The following CWH43 variants were observed in gnomAD, a reference collection of about 807,000 sequenced individuals.
CWH43 encodes cell wall biogenesis 43 C-terminal homolog.
CWH43 carries 91 observed loss-of-function variants against 85.7 expected under a neutral mutation model. That is an observed-to-expected ratio of 1.06 (90% confidence interval 0.90 to 1.26). The LOEUF is 1.26. CWH43 is among the 50% of genes most tolerant of loss of function. The probability of loss-of-function intolerance (pLI) is 0.00; values close to 1 mark genes in which losing one functional copy is unlikely to be tolerated. For synonymous variants in CWH43, 323 were observed against 293.6 expected, an observed-to-expected ratio of 1.10 and a Z score of -1.02; for missense variants, 869 against 839.2, an observed-to-expected ratio of 1.04 and a Z score of -0.44.
intron 7 of CWH43, 128 bp downstream of exon 7, chr4:49,004,120 A>G: frequency 1.2e-6 from 1 of 814,264 alleles, no homozygotes; most frequent in Non-Finnish European, 1.8e-6. Context: ...GGTAAAATAG[A>G]CTCTCTTGAT....
intron 1 of CWH43, among the ~76,000 whole-genome samples, chr4:48,987,159 C>T (rs1437619705): frequency 6.6e-6 from 1 of 152,108 alleles, no homozygotes; most frequent in East Asian, 1.9e-4. Context: ...TCCCTCTGGT[C>T]TGGGTGGGGC....
chr4:49,050,928 C>T, intron 15 of CWH43, 79 bp downstream of exon 15: 1 of 996,368 alleles, frequency 1.0e-6, no homozygotes. Flanking sequence ...TCAAAATGAG[C>T]TAGAAATTAT....
chr4:49,038,532 C>T (rs1311394774), intron 13 of CWH43, among the ~76,000 whole-genome samples: 2 of 152,188 alleles, frequency 1.3e-5, no homozygotes, highest in Non-Finnish European at 2.9e-5. Flanking sequence ...GGCTTCCTCC[C>T]TGCATGGTGC....
intron 8 of CWH43, among the ~76,000 whole-genome samples, chr4:49,010,607 G>A (rs925335415): frequency 6.6e-6 from 1 of 152,064 alleles, no homozygotes. Context: ...TCTGTTTTGG[G>A]CATTTAGTTC....
chr4:49,010,743 C>A (rs1340801801), intron 8 of CWH43, among the ~76,000 whole-genome samples: 1 of 152,198 alleles, frequency 6.6e-6, no homozygotes. Context: ...ACCCAGTAGT[C>A]ATTCAGGAGC....
At chr4:48,996,949 C>G (rs1301909226) in intron 5 of CWH43, among the ~76,000 whole-genome samples, 1 of 152,184 alleles carries the variant, frequency 6.6e-6, no homozygotes, top group African/African-American at 2.4e-5. Flanking sequence ...TTAATGGTTA[C>G]TCTGAGAAAA....
At position 48,991,985 on chromosome 4, in the gene CWH43, C is replaced by T; in HGVS notation, c.406C>T (p.Leu136=). Residue 136 remains leucine, a synonymous_variant, in exon 4 of 16, where the codon CTA becomes TTA. Coordinates refer to ENST00000226432, the MANE Select transcript of CWH43 (RefSeq NM_025087.3). ...FILGQIVLVV[L]RIWYTSLNPI... is the part of the protein sequence containing the mutation. ...TTTAGGACAGATTGTTCTTGTTGTT[C>T]TACGCATATGGTATACTTCACTAAA... 6.2e-7 allele frequency: 1 copy of T among 1,613,868 alleles called. No individual in the cohort carries two copies. The highest frequency in any genetic ancestry group is 8.5e-7 in the Non-Finnish European group (1 of 1,179,838).
chr4:49,000,974 C>T (rs1482990291), intron 6 of CWH43, among the ~76,000 whole-genome samples: 1 of 152,210 alleles, frequency 6.6e-6, no homozygotes, highest in South Asian at 2.1e-4. Context: ...GCTTAATTAT[C>T]TGGAGGTGGT....
intron 8 of CWH43, among the ~76,000 whole-genome samples, chr4:49,015,916 C>G (rs999789554): frequency 1.3e-5 from 2 of 151,970 alleles, no homozygotes; most frequent in African/African-American, 4.8e-5. Flanking sequence ...CTTTTGAATA[C>G]CCTCTTTTAT....
chr4:49,055,780 G>A (rs1391841933), intron 15 of CWH43, among the ~76,000 whole-genome samples: 4 of 152,042 alleles, frequency 2.6e-5, no homozygotes, highest in Non-Finnish European at 4.4e-5. Flanking sequence ...GGTAGAGATA[G>A]GGTTTCGCCA....
intron 9 of CWH43, among the ~76,000 whole-genome samples, chr4:49,024,974 T>G (rs1217975858): frequency 1.3e-5 from 2 of 152,038 alleles, no homozygotes; most frequent in Non-Finnish European, 2.9e-5. Context: ...TTCTTCTTCC[T>G]TGGGAATACT....
chr4:49,035,132 G>C (rs1478463104), intron 12 of CWH43, among the ~76,000 whole-genome samples: 1 of 152,038 alleles, frequency 6.6e-6, no homozygotes, highest in Non-Finnish European at 1.5e-5. Context: ...ATCACGACAT[G>C]TTTTATTTGT....
intron 8 of CWH43, among the ~76,000 whole-genome samples, chr4:49,008,178 A>G (rs1002718589): frequency 6.6e-6 from 1 of 152,120 alleles, no homozygotes; most frequent in African/African-American, 2.4e-5. Context: ...CTGGTGTGAG[A>G]TGGTATCCCA....
intron 9 of CWH43, among the ~76,000 whole-genome samples, chr4:49,024,629 A>G (rs1783846872): frequency 6.6e-6 from 1 of 152,204 alleles, no homozygotes. Flanking sequence ...TGCTGGCTAC[A>G]AAATTCTTGG....
At position 49,026,124 on chromosome 4, in the gene CWH43, G is replaced by A. The variant is rs927419010; in HGVS notation, c.1267-2505G>A. Among the ~76,000 whole-genome samples, 114 of 152,196 alleles carry A rather than the reference G, an allele frequency of 7.5e-4. 7 individuals are homozygous for A. Among genetic ancestry groups the A allele is most frequent in the Non-Finnish European group, 2.9e-5 (2 of 68,032 alleles). ...CTGTCTCACACAGGTTTCCAGAGAA[G>A]TGGGAGAAAGCCGGCAGCCACAGGC... is the stretch of plus-strand genomic sequence containing the variant. On this transcript the variant is annotated intron_variant, in intron 9 of 15. Coordinates refer to ENST00000226432, the MANE Select transcript of CWH43 (RefSeq NM_025087.3).
At chr4:49,005,117 G>A (rs1257463947) in intron 7 of CWH43, among the ~76,000 whole-genome samples, 1 of 151,978 alleles carries the variant, frequency 6.6e-6, no homozygotes, top group Non-Finnish European at 1.5e-5. Context: ...ATATTAACAC[G>A]ATTTCACTGG....
intron 6 of CWH43, among the ~76,000 whole-genome samples, chr4:49,001,222 T>C (rs556113309): frequency 9.7e-4 from 148 of 152,310 alleles, no homozygotes; most frequent in African/African-American, 3.3e-3. Flanking sequence ...AGTCTAGATA[T>C]AGTAAACATA....
chr4:49,055,686 T>C (rs1208758639), intron 15 of CWH43, among the ~76,000 whole-genome samples: 1 of 151,940 alleles, frequency 6.6e-6, no homozygotes, highest in Non-Finnish European at 1.5e-5. Flanking sequence ...ACCTCCCAGG[T>C]TGAAGCAATT....
intron 6 of CWH43, among the ~76,000 whole-genome samples, chr4:48,999,572 A>G (rs189717729): frequency 3.7e-4 from 57 of 152,326 alleles, no homozygotes; most frequent in African/African-American, 1.3e-3. Flanking sequence ...GTCAAGTCAG[A>G]GTTCTTAGGC....
Sources: allele counts gnomAD v4.1 joint callset (sites outside exome capture counted in the v4.1 genomes callset), GRCh38; gene constraint gnomAD v4.1.1; transcripts MANE v1.5; gene names NCBI Gene and HGNC (gene_info 2026-07-23, HGNC 2026-07-21).